Variants in SCP2 observed in about 807,000 individuals in gnomAD.
SCP2 encodes the protein SCP-2/3-oxoacyl-CoA thiolase.
A neutral mutation model predicts 71.4 loss-of-function variants in SCP2; 48 were observed. That is an observed-to-expected ratio of 0.67 (90% CI 0.53 to 0.86). SCP2 has a LOEUF of 0.86. Ranked by LOEUF, SCP2 falls within the 40% of genes least tolerant of loss-of-function variation. The pLI, the probability that SCP2 is intolerant of heterozygous loss-of-function variation, is 0.00. For missense variants in SCP2, 560 were observed against 655.6 expected, an observed-to-expected ratio of 0.85 and a Z score of 1.59; for synonymous variants, 220 against 218.1, an observed-to-expected ratio of 1.01 and a Z score of -0.08.
At chr1:53,037,679 T>G (rs1005280553) in intron 13 of SCP2, among the ~76,000 whole-genome samples, 12 of 151,672 alleles carry the variant, frequency 7.9e-5, no homozygotes, top group Admixed American at 5.9e-4. Context: ...AGAAAATGAG[T>G]TGAACAACAA....
At chr1:52,935,226 A>G (rs113811095) in intron 1 of SCP2, among the ~76,000 whole-genome samples, 3,660 of 151,608 alleles carry the variant, frequency 0.024, 122 homozygotes, top group African/African-American at 0.072. Flanking sequence ...AGATCGCCCC[A>G]TTGCACTCCA....
At chr1:52,942,122 G>C (rs547113515) in intron 2 of SCP2, among the ~76,000 whole-genome samples, 18 of 152,318 alleles carry the variant, frequency 1.2e-4, no homozygotes, top group African/African-American at 4.1e-4. Context: ...GAGAGAGGTA[G>C]GGTCATTAAA....
At chr1:52,987,012 T>A (rs199997655) in intron 10 of SCP2, among the ~76,000 whole-genome samples, 10,862 of 101,598 alleles carry the variant, frequency 0.11, 397 homozygotes, top group Middle Eastern at 0.2. Flanking sequence ...ATATATTTTT[T>A]TTTTTTTTTT....
chr1:52,995,076 A>G, intron 11 of SCP2: 2 of 498,896 alleles, frequency 4.0e-6, no homozygotes, highest in Non-Finnish European at 4.0e-6. Context: ...ATTCAGTTGT[A>G]GATGTGGTGC....
intron 11 of SCP2, among the ~76,000 whole-genome samples, chr1:53,009,941 A>G (rs1459400084): frequency 1.3e-5 from 2 of 152,222 alleles, no homozygotes; most frequent in Middle Eastern, 3.2e-3. Context: ...GAAAAAATCA[A>G]ACAACCCCAT....
chr1:53,008,456 G>C (rs1660773631), intron 11 of SCP2, among the ~76,000 whole-genome samples: 1 of 152,176 alleles, frequency 6.6e-6, no homozygotes, highest in Admixed American at 6.5e-5. Context: ...TCATCCCTGG[G>C]ATTCAAGGCT....
chr1:53,030,922 A>C (rs1164547134), intron 13 of SCP2, among the ~76,000 whole-genome samples: 1 of 151,700 alleles, frequency 6.6e-6, no homozygotes, highest in East Asian at 1.9e-4. Context: ...AAAAAAAAAA[A>C]AAAAAAAGGC....
intron 1 of SCP2, among the ~76,000 whole-genome samples, chr1:52,929,610 A>G (rs1273547138): frequency 6.6e-6 from 1 of 151,456 alleles, no homozygotes; most frequent in East Asian, 1.9e-4. Context: ...ATGCCCAGCT[A>G]CTTTTTGTAT....
At position 52,993,738 on chromosome 1, in the gene SCP2, T is replaced by C. The variant is rs910133652; in HGVS notation, c.1081+5602T>C. 10 of 1,607,322 alleles carry C rather than the reference T, an allele frequency of 6.2e-6. No homozygotes were observed. The African/African-American group carries it at 1.1e-4, about 17-fold the overall frequency. ...AGGAAACAAAACATTTGTAATATGA[T>C]TGAAGACTCCTGCATGCCTCCTCAA... is the stretch of plus-strand genomic sequence containing the variant. On this transcript the variant is annotated intron_variant, in intron 11 of 15. Coordinates refer to ENST00000371514, the MANE Select transcript of SCP2 (RefSeq NM_002979.5).
intron 12 of SCP2, among the ~76,000 whole-genome samples, chr1:53,024,693 T>C (rs906715299): frequency 3.3e-5 from 5 of 151,594 alleles, no homozygotes; most frequent in Non-Finnish European, 5.9e-5. Flanking sequence ...TGCCTCAGAC[T>C]CCCGAGTAGC....
chr1:52,954,322 AAAGC>A (rs944529234), intron 4 of SCP2, among the ~76,000 whole-genome samples: 7 of 151,438 alleles, frequency 4.6e-5, no homozygotes, highest in Non-Finnish European at 8.8e-5. Flanking sequence ...TCAAAAAAAA[AAAGC>A]AAACAAACAA....
rs772407457 is a variant in SCP2 at position 52,941,518 on chromosome 1, C to CCT, written c.70-278_70-277insCT. 0.013 allele frequency among the ~76,000 whole-genome samples: 1,980 copies of CCT among 152,144 alleles called. 26 individuals carry two copies. Among genetic ancestry groups the CCT allele is most frequent in the African/African-American group, 0.031 (1,268 of 41,510 alleles). On this transcript the variant is annotated intron_variant, in intron 1 of 15. Transcript: ENST00000371514. ...TTGGGAGGCCGAGGCAGGCAGATCA[C>CCT]AAGGTCAGGAGTTTGAGACCAGCCT... is the stretch of plus-strand genomic sequence containing the variant.
intron 11 of SCP2, among the ~76,000 whole-genome samples, chr1:52,998,164 G>C (rs1660060880): frequency 6.6e-6 from 1 of 152,108 alleles, no homozygotes; most frequent in Non-Finnish European, 1.5e-5. Flanking sequence ...TATTTGAATT[G>C]TTTCCTGTTT....
intron 1 of SCP2, among the ~76,000 whole-genome samples, 179 bp downstream of exon 1, chr1:52,927,644 C>T (rs545179708): frequency 6.6e-6 from 1 of 152,304 alleles, no homozygotes; most frequent in South Asian, 2.1e-4. Flanking sequence ...CTGGTTCCTG[C>T]GGCCTTCTGC....
chr1:53,047,812 C>T (rs1663930566), intron 14 of SCP2, 46 bp from the exon 15 acceptor site: 3 of 1,341,578 alleles, frequency 2.2e-6, no homozygotes, highest in Non-Finnish European at 3.2e-6. Context: ...ATATGTGAAA[C>T]TGAACACCTC....
intron 13 of SCP2, among the ~76,000 whole-genome samples, chr1:53,037,913 C>CAGATCCAGATCCTGTCTCTAT (rs1557627641): frequency 0.011 from 1,450 of 126,184 alleles, 47 homozygotes; most frequent in African/African-American, 0.043. Context: ...CACACACACA[C>CAGATCCAGATCCTGTCTCTAT]ACACACACAC....
chr1:52,982,398 C>T (rs762415107), intron 10 of SCP2, among the ~76,000 whole-genome samples: 64 of 151,892 alleles, frequency 4.2e-4, no homozygotes, highest in Admixed American at 2.2e-3. Flanking sequence ...GTGAAACCCC[C>T]TCTCTACTAA....
intron 11 of SCP2, among the ~76,000 whole-genome samples, chr1:53,001,190 A>G (rs1264518244): frequency 1.3e-5 from 2 of 152,116 alleles, no homozygotes. Context: ...ACAAGAACAC[A>G]AATACTTATA....
intron 10 of SCP2, among the ~76,000 whole-genome samples, 188 bp from the exon 11 acceptor site, chr1:52,987,841 A>T (rs192415692): frequency 1.2e-4 from 18 of 152,216 alleles, no homozygotes; most frequent in Non-Finnish European, 2.1e-4. Context: ...TTTGTTTCAT[A>T]CAGGAAATGT....
Sources: allele counts gnomAD v4.1 joint callset (sites outside exome capture counted in the v4.1 genomes callset), GRCh38; gene constraint gnomAD v4.1.1; transcripts MANE v1.5; gene names NCBI Gene and HGNC (gene_info 2026-07-23, HGNC 2026-07-21).